The following CAMK2D variants were observed in gnomAD, a reference collection of about 807,000 sequenced individuals.
CAMK2D encodes the protein calcium/calmodulin dependent protein kinase II delta, also known as calcium/calmodulin-dependent protein kinase type II subunit delta.
A neutral mutation model predicts 84.0 loss-of-function variants in CAMK2D; 37 were observed. That is an observed-to-expected ratio of 0.44 (90% confidence interval 0.34 to 0.58). The LOEUF (loss-of-function observed/expected upper bound fraction) is 0.58, where lower values mean the gene tolerates loss of function less well. Among genes scored for constraint, CAMK2D ranks in the 20% least tolerant of loss-of-function variants. The pLI, the probability that CAMK2D is intolerant of heterozygous loss-of-function variation, is 0.02. For missense variants in CAMK2D, 448 were observed against 652.5 expected, an observed-to-expected ratio of 0.69 and a Z score of 3.41; for synonymous variants, 202 against 212.5, an observed-to-expected ratio of 0.95 and a Z score of 0.43.
At chr4:113,649,117 G>A (rs2099162871) in intron 3 of CAMK2D, among the ~76,000 whole-genome samples, 1 of 152,124 alleles carries the variant, frequency 6.6e-6, no homozygotes, top group African/African-American at 2.4e-5. Context: ...ATCTTTGGTA[G>A]CTTTGCCCTC....
intron 6 of CAMK2D, among the ~76,000 whole-genome samples, chr4:113,546,986 G>A (rs113740940): frequency 0.01 from 1,550 of 152,114 alleles, 27 homozygotes; most frequent in African/African-American, 0.035. Flanking sequence ...TGTATATAGG[G>A]ATATCCATAT....
intron 17 of CAMK2D, 84 bp from the exon 18 acceptor site, chr4:113,460,325 C>T (rs887800563): frequency 7.4e-6 from 6 of 813,550 alleles, no homozygotes; most frequent in African/African-American, 1.7e-5. Flanking sequence ...TTCTGATTTA[C>T]CAGTCACTGA....
At position 113,545,490 on chromosome 4, in the gene CAMK2D, C is replaced by T. The variant is rs541548024; in HGVS notation, c.414+2154G>A. On this transcript the variant is annotated intron_variant, in intron 6 of 20. Coordinates refer to ENST00000511664, the MANE Select transcript of CAMK2D (RefSeq NM_001321571.2). ...GGCCTGGTAATAAAAAATTTCAGCA[C>T]TTGATCTTTTTAACTTTACTATATT... Among the ~76,000 whole-genome samples, 61 of 152,248 alleles carry T rather than the reference C, an allele frequency of 4.0e-4. 2 individuals carry two copies. The South Asian group carries it at 0.012, about 30-fold the overall frequency.
chr4:113,565,533 C>G (rs540421159), intron 4 of CAMK2D, among the ~76,000 whole-genome samples: 1 of 151,948 alleles, frequency 6.6e-6, no homozygotes, highest in Non-Finnish European at 1.5e-5. Context: ...TGCCGGTAAT[C>G]CCAGCTACTC....
chr4:113,539,941 G>T (rs532141633), intron 6 of CAMK2D, among the ~76,000 whole-genome samples: 1 of 152,212 alleles, frequency 6.6e-6, no homozygotes, highest in South Asian at 2.1e-4. Context: ...GAGTTTAAGG[G>T]ATTATTCACT....
chr4:113,601,477 G>A (rs2098951999), intron 4 of CAMK2D, among the ~76,000 whole-genome samples: 1 of 151,214 alleles, frequency 6.6e-6, no homozygotes, highest in East Asian at 1.9e-4. Context: ...TGGAAAACCA[G>A]TATTTTTCCC....
At chr4:113,648,519 T>C (rs1296172626) in intron 3 of CAMK2D, among the ~76,000 whole-genome samples, 4 of 152,140 alleles carry the variant, frequency 2.6e-5, no homozygotes, top group African/African-American at 9.7e-5. Context: ...CAAATGAAAG[T>C]AGTTGAGCCA....
intron 3 of CAMK2D, among the ~76,000 whole-genome samples, chr4:113,615,279 T>A (rs1037091364): frequency 2.9e-4 from 44 of 151,940 alleles, no homozygotes; most frequent in African/African-American, 1.1e-3. Flanking sequence ...AATAAATATA[T>A]ACATATATGT....
rs2097529385 is a variant in CAMK2D at position 113,470,121 on chromosome 4, A to G, written c.1136-4517T>C. On this transcript the variant is annotated intron_variant, in intron 16 of 20. Coordinates refer to ENST00000511664, the MANE Select transcript of CAMK2D (RefSeq NM_001321571.2). ...GATAGGTACCTGAAGAGAGACTACA[A>G]AACCTTGCGTAATCTGGACTCTGCC... Among the ~76,000 whole-genome samples the G allele has an allele frequency of 2.6e-5, 4 of 152,012 alleles. No individual in the cohort carries two copies. The South Asian group carries it at 8.3e-4, about 32-fold the overall frequency.
intron 4 of CAMK2D, among the ~76,000 whole-genome samples, chr4:113,606,041 A>G (rs887027822): frequency 1.3e-5 from 2 of 152,196 alleles, no homozygotes; most frequent in African/African-American, 4.8e-5. Flanking sequence ...TTAATCAGCC[A>G]TAATAAAAAA....
chr4:113,557,650 T>C (rs1437575501), intron 4 of CAMK2D, among the ~76,000 whole-genome samples: 1 of 152,276 alleles, frequency 6.6e-6, no homozygotes, highest in African/African-American at 2.4e-5. Flanking sequence ...AGATTAGCTC[T>C]TATGTCTTAC....
rs950470198 is a variant in CAMK2D at position 113,754,132 on chromosome 4, C to A, written c.160+5188G>T. 14 of 887,610 alleles carry A rather than the reference C, an allele frequency of 1.6e-5. No individual in the cohort carries two copies. The African/African-American group carries it at 2.5e-4, about 16-fold the overall frequency. 55.0% of individuals were successfully genotyped at this position (887,610 alleles called of 1,614,324 possible). ...TTACAGTTAAAATATTGCTAATACT[C>A]CATTTAATGCATTGCAGTGTAGTTT... On this transcript the variant is annotated intron_variant, in intron 2 of 20. Transcript: ENST00000511664.
chr4:113,529,895 C>T (rs1301027376), intron 8 of CAMK2D, among the ~76,000 whole-genome samples: 1 of 152,200 alleles, frequency 6.6e-6, no homozygotes, highest in Non-Finnish European at 1.5e-5. Flanking sequence ...CCACTAGGAG[C>T]AATGCTCCAC....
At chr4:113,631,825 G>A (rs2099090985) in intron 3 of CAMK2D, among the ~76,000 whole-genome samples, 1 of 152,154 alleles carries the variant, frequency 6.6e-6, no homozygotes, top group African/African-American at 2.4e-5. Context: ...ACTAAGTGAA[G>A]AAACAAGTGT....
At chr4:113,513,187 GGAATCT>G (rs2098240359) in intron 12 of CAMK2D, 135 bp downstream of exon 12, 1 of 1,478,920 alleles carries the variant, frequency 6.8e-7, no homozygotes, top group Admixed American at 2.5e-5. Flanking sequence ...AGGTGTAGAA[GGAATCT>G]GTGCCACACA....
intron 2 of CAMK2D, among the ~76,000 whole-genome samples, chr4:113,670,602 A>T (rs1279475847): frequency 6.6e-6 from 1 of 152,104 alleles, no homozygotes; most frequent in Non-Finnish European, 1.5e-5. Context: ...TGCTTGTGAG[A>T]AATTTGCTGC....
At chr4:113,615,336 T>G (rs906061918) in intron 3 of CAMK2D, among the ~76,000 whole-genome samples, 9 of 152,056 alleles carry the variant, frequency 5.9e-5, no homozygotes, top group Non-Finnish European at 1.2e-4. Flanking sequence ...ACATTAAAAA[T>G]GTAAAAACAC....
chr4:113,723,360 G>A (rs943041030), intron 2 of CAMK2D, among the ~76,000 whole-genome samples: 2 of 151,946 alleles, frequency 1.3e-5, no homozygotes, highest in African/African-American at 4.8e-5. Flanking sequence ...AACTAGCTGG[G>A]AATACAGGCG....
At chr4:113,464,591 A>C (rs1181599499) in intron 17 of CAMK2D, among the ~76,000 whole-genome samples, 1 of 152,210 alleles carries the variant, frequency 6.6e-6, no homozygotes, top group Non-Finnish European at 1.5e-5. Flanking sequence ...GGCCCTATTT[A>C]AATTGAATGC....
Sources: gnomAD v4.1 joint callset for allele counts (sites outside exome capture counted in the v4.1 genomes callset) on GRCh38, gnomAD v4.1.1 for gene constraint, MANE v1.5 for transcripts, NCBI Gene and HGNC (gene_info 2026-07-23, HGNC 2026-07-21) for gene names.